TRAPPC9: variants seen among roughly 807,000 people sequenced by gnomAD.
TRAPPC9 encodes the protein trafficking protein particle complex subunit 9, also known as IKK2 binding protein.
In TRAPPC9, 83 loss-of-function variants were observed where a neutral mutation model predicts 124.0. The observed-to-expected ratio is 0.67, with a 90% CI of 0.56 to 0.80. TRAPPC9 has a LOEUF of 0.80. TRAPPC9 is among the 30% of genes least tolerant of loss of function. The pLI, the probability that TRAPPC9 is intolerant of heterozygous loss-of-function variation, is 0.00. For missense variants in TRAPPC9, 1,302 were observed against 1,508.3 expected, an observed-to-expected ratio of 0.86 and a Z score of 2.27; for synonymous variants, 638 against 617.5, an observed-to-expected ratio of 1.03 and a Z score of -0.49.
chr8:139,815,845 C>T (rs1014076958), intron 21 of TRAPPC9, among the ~76,000 whole-genome samples: 1 of 152,232 alleles, frequency 6.6e-6, no homozygotes, highest in Non-Finnish European at 1.5e-5. Context: ...GCTGCGTGTG[C>T]AAACACGGGT....
intron 6 of TRAPPC9, among the ~76,000 whole-genome samples, chr8:140,401,806 T>G (rs1241183991): frequency 6.6e-6 from 1 of 151,868 alleles, no homozygotes; most frequent in Non-Finnish European, 1.5e-5. Flanking sequence ...TTGTATATTT[T>G]GTAGAGGCGG....
intron 19 of TRAPPC9, chr8:139,915,043 G>A (rs1832025579): frequency 6.6e-6 from 1 of 152,254 alleles, no homozygotes; most frequent in African/African-American, 2.4e-5. Context: ...TTTGGAAACT[G>A]CGTGGAAAAG....
chr8:140,120,831 C>T (rs2060974509), intron 17 of TRAPPC9, among the ~76,000 whole-genome samples: 1 of 150,494 alleles, frequency 6.6e-6, no homozygotes, highest in Non-Finnish European at 1.5e-5. Context: ...ATCCATCCAT[C>T]CATCCATCAT....
chr8:140,221,410 C>T, intron 17 of TRAPPC9, 49 bp downstream of exon 17: 1 of 1,611,644 alleles, frequency 6.2e-7, no homozygotes, highest in Non-Finnish European at 8.5e-7. Flanking sequence ...AACGGCTTTG[C>T]AGAAGCCCGA....
At chr8:140,319,617 C>A (rs975611263) in intron 9 of TRAPPC9, among the ~76,000 whole-genome samples, 1 of 152,068 alleles carries the variant, frequency 6.6e-6, no homozygotes, top group Non-Finnish European at 1.5e-5. Context: ...CAGGTGTGCA[C>A]CACAACACCC....
At chr8:140,311,213 C>A (rs1487009031) in intron 10 of TRAPPC9, 35 bp downstream of exon 10, 1 of 1,605,254 alleles carries the variant, frequency 6.2e-7, no homozygotes, top group African/African-American at 1.3e-5. Flanking sequence ...TCCCAGAGGG[C>A]AGCTGCCTTT....
At chr8:140,066,478 T>C (rs1347353235) in intron 17 of TRAPPC9, among the ~76,000 whole-genome samples, 4 of 152,204 alleles carry the variant, frequency 2.6e-5, no homozygotes, top group Non-Finnish European at 5.9e-5. Flanking sequence ...GTGCAGTGAA[T>C]TGAACTGAAC....
chr8:140,074,272 C>T (rs1030366820), intron 17 of TRAPPC9, among the ~76,000 whole-genome samples: 6 of 152,110 alleles, frequency 3.9e-5, no homozygotes, highest in African/African-American at 1.2e-4. Context: ...CTGGAGTGGG[C>T]GGGCCCTGGG....
chr8:140,327,437 T>C (rs1312571295), intron 9 of TRAPPC9, among the ~76,000 whole-genome samples: 3 of 152,186 alleles, frequency 2.0e-5, no homozygotes, highest in Non-Finnish European at 4.4e-5. Flanking sequence ...TGAAAATAGA[T>C]ACTTAAACAG....
intron 19 of TRAPPC9, chr8:139,931,620 T>C (rs773340476): frequency 6.6e-6 from 1 of 152,332 alleles, no homozygotes; most frequent in Non-Finnish European, 1.5e-5. Context: ...TTTCTCTGCA[T>C]GCTACGGGGC....
intron 18 of TRAPPC9, among the ~76,000 whole-genome samples, chr8:140,007,596 T>C (rs1587478355): frequency 2.0e-5 from 3 of 152,274 alleles, no homozygotes; most frequent in African/African-American, 7.2e-5. Context: ...AAACATAAGT[T>C]TGAAAAGAAA....
chr8:140,261,075 C>T (rs1232443537), intron 15 of TRAPPC9, among the ~76,000 whole-genome samples: 5 of 152,214 alleles, frequency 3.3e-5, no homozygotes, highest in Non-Finnish European at 7.3e-5. Context: ...GACGCCCTGT[C>T]AGTACATGGA....
chr8:140,256,959 C>T (rs1027559853), intron 15 of TRAPPC9, among the ~76,000 whole-genome samples: 3 of 152,156 alleles, frequency 2.0e-5, no homozygotes, highest in African/African-American at 4.8e-5. Flanking sequence ...GATGGGGGCT[C>T]GTAGCCTTCC....
chr8:139,749,422 T>C (rs927014844), intron 21 of TRAPPC9, among the ~76,000 whole-genome samples: 12 of 152,184 alleles, frequency 7.9e-5, no homozygotes, highest in East Asian at 3.9e-4. Flanking sequence ...AGCGTCCCCA[T>C]TGTCACATGA....
At chr8:140,441,789 TCCTGGGCCCAA>T (rs2071026044) in intron 2 of TRAPPC9, among the ~76,000 whole-genome samples, 1 of 152,178 alleles carries the variant, frequency 6.6e-6, no homozygotes, top group Admixed American at 6.5e-5. Flanking sequence ...GGTCTGGAAC[TCCTGGGCCCAA>T]GCAATCCACC....
chr8:139,870,421 A>C (rs1181657887), intron 21 of TRAPPC9, among the ~76,000 whole-genome samples: 5 of 152,240 alleles, frequency 3.3e-5, no homozygotes, highest in African/African-American at 1.2e-4. Flanking sequence ...ATTTGAAAGG[A>C]ATATCATACA....
chr8:140,186,859 T>C (rs569693356), intron 17 of TRAPPC9, among the ~76,000 whole-genome samples: 20 of 152,286 alleles, frequency 1.3e-4, no homozygotes, highest in Non-Finnish European at 2.2e-4. Context: ...AAACCCAACA[T>C]TGCAAAATCT....
intron 21 of TRAPPC9, among the ~76,000 whole-genome samples, chr8:139,842,157 C>T (rs1826774397): frequency 6.6e-6 from 1 of 152,254 alleles, no homozygotes; most frequent in African/African-American, 2.4e-5. Context: ...TTTTAAAACA[C>T]TGTCCTGGCA....
rs558172793 is a variant in TRAPPC9, at chr8:140,200,230, G to A, written c.2556+21229C>T. ...TAAATACAGAAATAATTACAGAGAT[G>A]TGTAGATGCATAGGTTTCCTAGCGC... On this transcript the variant is annotated intron_variant, in intron 17 of 22. Coordinates refer to ENST00000438773, the MANE Select transcript of TRAPPC9 (RefSeq NM_001160372.4). Among the ~76,000 whole-genome samples the A allele has an allele frequency of 1.4e-4, 21 of 152,324 alleles. No individual in the cohort carries two copies. The South Asian group carries it at 4.4e-3, about 32-fold the overall frequency.
Sources: gnomAD v4.1 joint callset for allele counts (sites outside exome capture counted in the v4.1 genomes callset) on GRCh38, gnomAD v4.1.1 for gene constraint, MANE v1.5 for transcripts, NCBI Gene and HGNC (gene_info 2026-07-23, HGNC 2026-07-21) for gene names.